GCKR: variants seen among roughly 807,000 people sequenced by gnomAD.
GCKR encodes glucokinase regulator.
Under a neutral mutation model 82.9 loss-of-function variants are expected in GCKR, and 73 were observed. The ratio of observed to expected loss-of-function variants is 0.88; its 90% CI spans 0.73 to 1.07. The LOEUF is 1.07. GCKR is among the 50% of genes least tolerant of loss of function. GCKR has a pLI of 0.00. For missense variants in GCKR, 784 were observed against 782.1 expected, an observed-to-expected ratio of 1.00 and a Z score of -0.03; for synonymous variants, 294 against 291.8, an observed-to-expected ratio of 1.01 and a Z score of -0.08.
At chr2:27,499,322 C>G (rs1218659259) in intron 6 of GCKR, 75 bp from the exon 7 acceptor site, 2 of 1,378,676 alleles carry the variant, frequency 1.5e-6, no homozygotes, top group Non-Finnish European at 2.1e-6. Context: ...GTTCCTGGCC[C>G]TGATATCCTC....
In GCKR at chr2:27,502,541, G is replaced by A. The variant is rs573501498; in HGVS notation, c.645-973G>A. ...ACAAAACTCCCCAGATGATTTGGAT[G>A]CCCAGCTGTGTTTAGGAATCTCGAC... On this transcript the variant is annotated intron_variant, in intron 8 of 18. Coordinates refer to ENST00000264717, the MANE Select transcript of GCKR (RefSeq NM_001486.4). Among the ~76,000 whole-genome samples the A allele has an allele frequency of 1.1e-4, 17 of 152,262 alleles. No homozygotes were observed. The East Asian group carries it at 2.9e-3, about 26-fold the overall frequency.
In GCKR at chr2:27,522,575, T is replaced by C; in HGVS notation, c.1688T>C (p.Val563Ala). The C allele has an allele frequency of 1.9e-6, 3 of 1,614,056 alleles. No homozygotes were observed. Among genetic ancestry groups the C allele is most frequent in the Non-Finnish European group, 2.5e-6 (3 of 1,179,912 alleles). ...GCTCCCATCTCCTGCCATGTCCAGG[T>C]TGCACATGAGAAGGAACAGGTATCC... ...RAAPISCHVQVAHEKEQVIPI... is the reference protein window; with the variant it reads ...RAAPISCHVQAAHEKEQVIPI... Residue 563 changes from valine to alanine, a missense_variant, in exon 18 of 19, where the codon GTT becomes GCT. By Grantham distance (64) the Val-to-Ala change is moderately conservative. Coordinates refer to ENST00000264717, the MANE Select transcript of GCKR (RefSeq NM_001486.4).
In GCKR at chr2:27,499,988, C is replaced by G. The variant is rs144755565; in HGVS notation, c.549+538C>G. 5.0e-3 allele frequency among the ~76,000 whole-genome samples: 766 copies of G among 152,264 alleles called. 8 individuals are homozygous for G. The highest frequency in any genetic ancestry group is 0.018 in the African/African-American group (729 of 41,546). On this transcript the variant is annotated intron_variant, in intron 7 of 18. Transcript: ENST00000264717. ...GGCCAGGCTGGTCTCGAACTCCTGA[C>G]ATCAGGTGCTCCACCTGCCTCGCTC...
chr2:27,499,336 CAGT>C, intron 6 of GCKR, 58 bp from the exon 7 acceptor site: 1 of 1,416,416 alleles, frequency 7.1e-7, no homozygotes, highest in Non-Finnish European at 1.0e-6. Flanking sequence ...TATCCTCACA[CAGT>C]AGATTTGTGC....
chr2:27,499,004 A>G (rs1669499516), intron 5 of GCKR, 138 bp from the exon 6 acceptor site: 2 of 730,104 alleles, frequency 2.7e-6, no homozygotes, highest in East Asian at 2.6e-5. Flanking sequence ...TGGAGTGTCT[A>G]TCATGCACCA....
At chr2:27,501,073 G>A (rs1472111282) in intron 7 of GCKR, 62 bp from the exon 8 acceptor site, 3 of 1,134,070 alleles carry the variant, frequency 2.6e-6, no homozygotes, top group South Asian at 2.5e-5. Context: ...ATGCACTTGA[G>A]CCTTGGGCAC....
At chr2:27,509,473 A>G in intron 16 of GCKR, 1 of 405,954 alleles carries the variant, frequency 2.5e-6, no homozygotes. Flanking sequence ...TCAAGTAGGT[A>G]GGACCACAGG....
At chr2:27,521,251 G>A (rs1309796275) in intron 17 of GCKR, among the ~76,000 whole-genome samples, 1 of 152,004 alleles carries the variant, frequency 6.6e-6, no homozygotes, top group Non-Finnish European at 1.5e-5. Context: ...CAGGCCAGGT[G>A]TGGTGGCTTA....
At position 27,508,192 on chromosome 2, in the gene GCKR, T is replaced by C. The variant is rs759093260; in HGVS notation, c.1363T>C (p.Ser455Pro). 1.2e-6 allele frequency: 2 copies of C among 1,612,170 alleles called. No individual in the cohort carries two copies. The highest frequency in any genetic ancestry group is 3.3e-5 in the Admixed American group (2 of 60,012). Reference sequence around the variant, plus strand: ...GATCCCTCTGAAGAAGCTCTTTCCCTCCATCATCAGCATCACATGGCCACT... The same window carrying C: ...GATCCCTCTGAAGAAGCTCTTTCCCCCCATCATCAGCATCACATGGCCACT... ...LLIPLKKLFP[S>P]IISITWPLLF... Residue 455 changes from serine (S) to proline (P), a missense_variant, in exon 16 of 19, where the codon TCC becomes CCC. By Grantham distance (74) the Ser-to-Pro change is moderately conservative. Transcript: ENST00000264717.
chr2:27,506,383 C>A, intron 10 of GCKR, 98 bp from the exon 11 acceptor site: 1 of 819,694 alleles, frequency 1.2e-6, no homozygotes. Context: ...GAATTTAGTT[C>A]TAAGGGAGCT....
intron 16 of GCKR, among the ~76,000 whole-genome samples, chr2:27,511,377 T>A (rs1014077338): frequency 6.6e-6 from 1 of 152,086 alleles, no homozygotes; most frequent in Non-Finnish European, 1.5e-5. Context: ...AAAGAGGCTT[T>A]GTTTGGGCTG....
At chr2:27,517,499 A>G (rs974418862) in intron 16 of GCKR, among the ~76,000 whole-genome samples, 4 of 152,176 alleles carry the variant, frequency 2.6e-5, no homozygotes, top group Non-Finnish European at 5.9e-5. Flanking sequence ...ATGAGAACTC[A>G]CTATCCCAAG....
chr2:27,498,993 A>G (rs1669499077), intron 5 of GCKR, 149 bp from the exon 6 acceptor site: 1 of 722,584 alleles, frequency 1.4e-6, no homozygotes, highest in South Asian at 1.5e-5. Flanking sequence ...TTTCAACTCT[A>G]TGGAGTGTCT....
Position 27,506,530 on chromosome 2 carries a change from TAC to T in GCKR, c.921_922del (p.Tyr307Ter). 6.2e-7 allele frequency: 1 copy of T among 1,613,970 alleles called. No individual in the cohort carries two copies. The highest frequency in any genetic ancestry group is 8.5e-7 in the Non-Finnish European group (1 of 1,179,842). On this transcript the variant is annotated frameshift_variant, in exon 11 of 19. Transcript: ENST00000264717. LOFTEE classifies it high-confidence loss of function. ...ATTTGAGCGAGCTCATCAGGTGACC[TAC>T]AGCCAAAGCCCCAAGATTGCCACCC... The part of the protein sequence containing the change: ...RTFERAHQVT[Y>X]SQSPKIATLM...
At chr2:27,498,067 G>GACC (rs1267208458) in intron 3 of GCKR, among the ~76,000 whole-genome samples, 188 bp from the exon 4 acceptor site, 3 of 152,214 alleles carry the variant, frequency 2.0e-5, no homozygotes, top group African/African-American at 7.2e-5. Context: ...CAAGACATGG[G>GACC]AGTCAAACTG....
rs200645518 is a variant in GCKR at position 27,518,825 on chromosome 2, A to G, written c.1460A>G (p.Asn487Ser). The change falls in exon 17 of 19, where the codon AAT becomes AGT. Residue 487 changes from asparagine (N) to serine (S), a missense_variant. By Grantham distance (46) the Asn-to-Ser change is conservative (BLOSUM62 1). Transcript: ENST00000264717. Reference protein sequence around the residue: ...QRELSTKWVLNTVSTGAHVLL... With the variant: ...QRELSTKWVLSTVSTGAHVLL... ...GAGCTAAGCACCAAATGGGTGCTGA[A>G]TACAGTGAGTACAGGTGCTCATGTG... 2.9e-5 allele frequency: 47 copies of G among 1,612,662 alleles called. 1 individual carries two copies. The East Asian group carries it at 1.0e-3, about 35-fold the overall frequency.
intron 18 of GCKR, 26 bp from the exon 19 acceptor site, chr2:27,523,243 C>T (rs1294823572): frequency 4.4e-6 from 7 of 1,604,816 alleles, no homozygotes; most frequent in Non-Finnish European, 4.3e-6. Context: ...CCTCAGGCTT[C>T]AGTGCCCACT....
intron 17 of GCKR, among the ~76,000 whole-genome samples, chr2:27,519,777 T>C (rs576109805): frequency 6.6e-6 from 1 of 152,316 alleles, no homozygotes; most frequent in African/African-American, 2.4e-5. Flanking sequence ...CCTGAAGCAA[T>C]CACTGTTCTC....
chr2:27,496,996 G>A (rs1278976219), intron 1 of GCKR, 32 bp downstream of exon 1: 2 of 1,551,486 alleles, frequency 1.3e-6, no homozygotes, highest in South Asian at 2.2e-5. Context: ...GGCTTTCTGT[G>A]CTGATTCCTA....
Sources: gnomAD v4.1 joint callset for allele counts (sites outside exome capture counted in the v4.1 genomes callset) on GRCh38, gnomAD v4.1.1 for gene constraint, MANE v1.5 for transcripts, NCBI Gene and HGNC (gene_info 2026-07-23, HGNC 2026-07-21) for gene names.